TRAF1: variants seen among roughly 807,000 people sequenced by gnomAD.
TRAF1 encodes TNF receptor associated factor 1.
A neutral mutation model predicts 40.9 loss-of-function variants in TRAF1; 23 were observed. That is an observed-to-expected ratio of 0.56 (90% CI 0.40 to 0.80). TRAF1 has a LOEUF of 0.80. TRAF1 is among the 30% of genes least tolerant of loss of function. The pLI is 0.00. For synonymous variants in TRAF1, 206 were observed against 218.8 expected (o/e 0.94, Z 0.52); for missense variants, 477 against 528.7 (o/e 0.90, Z 0.96).
chr9:120,911,310 G>A (rs770715603), intron 6 of TRAF1, 26 bp downstream of exon 6: 13 of 1,606,354 alleles, frequency 8.1e-6, no homozygotes, highest in Non-Finnish European at 8.5e-7. Context: ...CCCCAGGCAG[G>A]TCTCTGTGCC....
chr9:120,920,491 C>A (rs1437364709), intron 3 of TRAF1, among the ~76,000 whole-genome samples: 1 of 145,602 alleles, frequency 6.9e-6, no homozygotes, highest in African/African-American at 2.6e-5. Context: ...CAGTTGTCAG[C>A]TTGCTTTTGA....
At chr9:120,915,939 G>C (rs2046566461) in intron 3 of TRAF1, among the ~76,000 whole-genome samples, 1 of 152,104 alleles carries the variant, frequency 6.6e-6, no homozygotes, top group Admixed American at 6.5e-5. Context: ...TACTTATAAA[G>C]TTACCATACA....
intron 2 of TRAF1, among the ~76,000 whole-genome samples, chr9:120,925,080 C>G (rs1450285874): frequency 6.6e-6 from 1 of 152,246 alleles, no homozygotes; most frequent in Non-Finnish European, 1.5e-5. Context: ...ATTCTCACAG[C>G]CTCCTCCTTT....
upstream of TRAF1, chr9:120,928,374 T>G (rs764246210): frequency 3.3e-5 from 5 of 152,300 alleles, no homozygotes; most frequent in Non-Finnish European, 7.3e-5. Flanking sequence ...TCTCTCCAAG[T>G]GTATACGCAT....
intron 2 of TRAF1, among the ~76,000 whole-genome samples, chr9:120,924,002 C>T (rs1364552884): frequency 1.3e-5 from 2 of 152,190 alleles, no homozygotes; most frequent in African/African-American, 4.8e-5. Flanking sequence ...CCAAACCTGC[C>T]GTGACTGCAC....
At position 120,904,936 on chromosome 9, in the gene TRAF1, G is replaced by A. The variant is rs929429360; in HGVS notation, c.*84C>T. On this transcript the variant is annotated 3_prime_UTR_variant, in exon 8 of 8. Coordinates refer to ENST00000373887, the MANE Select transcript of TRAF1 (RefSeq NM_005658.5). ...GCCTTCACCCATCTTTGTGCCCTGA[G>A]GTCTTGGGTGCCAAGGGCAGGGCAT... 1 of 1,357,572 alleles carries A rather than the reference G, an allele frequency of 7.4e-7. No individual in the cohort carries two copies. Among genetic ancestry groups the A allele is most frequent in the Admixed American group, 2.0e-5 (1 of 49,424 alleles). The allele number at this position is 1,357,572 out of a possible 1,614,324, so 84.1% of individuals were successfully genotyped here. A position where few individuals can be genotyped will look rare whatever the true frequency, so the allele number is the denominator to read the frequency against.
rs13053 is a variant in TRAF1, at chr9:120,902,512, G to C, written c.*2508C>G. ...GTGCTCTGTGGGCAGGGCGGGGGGT[G>C]GGGGGGGGGGCGGTGGGCACTGCTG... On this transcript the variant is annotated 3_prime_UTR_variant, in exon 8 of 8. Coordinates refer to ENST00000373887, the MANE Select transcript of TRAF1 (RefSeq NM_005658.5). 3 of 97,590 alleles carry C rather than the reference G, an allele frequency of 3.1e-5. 1 individual carries two copies. The highest frequency in any genetic ancestry group is 2.2e-4 in the African/African-American group (3 of 13,664). 6.0% of individuals were successfully genotyped at this position (97,590 alleles called of 1,614,324 possible).
chr9:120,905,760 CGG>C (rs2046476103), intron 7 of TRAF1, among the ~76,000 whole-genome samples: 1 of 152,200 alleles, frequency 6.6e-6, no homozygotes, highest in African/African-American at 2.4e-5. Flanking sequence ...ACAGCACAGA[CGG>C]AGGTTCCCCT....
chr9:120,907,291 T>C (rs1298026286), intron 7 of TRAF1, among the ~76,000 whole-genome samples: 4 of 152,262 alleles, frequency 2.6e-5, no homozygotes, highest in Non-Finnish European at 4.4e-5. Context: ...CATGGCTTGA[T>C]AGCTCATTTC....
chr9:120,908,369 T>G (rs951892321), intron 7 of TRAF1, among the ~76,000 whole-genome samples: 1 of 152,042 alleles, frequency 6.6e-6, no homozygotes, highest in African/African-American at 2.4e-5. Flanking sequence ...TAATCTAATA[T>G]ATTCAATACA....
chr9:120,921,663 T>A (rs954510104), intron 3 of TRAF1, among the ~76,000 whole-genome samples: 24 of 152,016 alleles, frequency 1.6e-4, no homozygotes, highest in Non-Finnish European at 3.2e-4. Context: ...TATTAACTCT[T>A]ACCACGTTGC....
At chr9:120,914,603 G>A (rs1042047836) in intron 3 of TRAF1, 18 of 1,053,576 alleles carry the variant, frequency 1.7e-5, no homozygotes, top group Non-Finnish European at 2.1e-5. Flanking sequence ...GACTGGTCGG[G>A]GGGGCTCTGT....
intron 3 of TRAF1, among the ~76,000 whole-genome samples, chr9:120,922,366 T>C (rs1299563731): frequency 1.3e-5 from 2 of 152,352 alleles, no homozygotes; most frequent in Non-Finnish European, 2.9e-5. Context: ...TATAAAGACA[T>C]GCATAGGACA....
rs2046466619 is a variant in TRAF1, at chr9:120,904,808, C to T, written c.*212G>A. Reference sequence around the variant, plus strand: ...TGCAGAGGGGAGCAGCTCTGCCTGTCTCCTTCTGGACCCTTTGCCTTTGTG... The same window carrying T: ...TGCAGAGGGGAGCAGCTCTGCCTGTTTCCTTCTGGACCCTTTGCCTTTGTG... On this transcript the variant is annotated 3_prime_UTR_variant, in exon 8 of 8. Transcript: ENST00000373887. 5.0e-6 allele frequency: 3 copies of T among 600,906 alleles called. No homozygotes were observed. The highest frequency in any genetic ancestry group is 8.8e-6 in the Non-Finnish European group (3 of 340,950). The allele number at this position is 600,906 out of a possible 1,614,324, so 37.2% of individuals were successfully genotyped here. A position where few individuals can be genotyped will look rare whatever the true frequency, so the allele number is the denominator to read the frequency against.
At position 120,923,740 on chromosome 9, in the gene TRAF1, T is replaced by C. The variant is rs1174600987; in HGVS notation, c.193A>G (p.Ile65Val). ...PKCRGEDLQS[I>V]SPGSRLRTQE... is the part of the protein sequence containing the mutation. Reference sequence around the variant, plus strand: ...GTTCGAAGACGGCTTCCTGGGCTTATAGACTGGAGGTCTTCCCCTCTGCAT... The same window carrying C: ...GTTCGAAGACGGCTTCCTGGGCTTACAGACTGGAGGTCTTCCCCTCTGCAT... The change falls in exon 3 of 8, where the codon ATA (isoleucine) becomes GTA (valine). Residue 65 changes from isoleucine to valine, a missense_variant. Transcript: ENST00000373887. 1 of 1,614,056 alleles carries C rather than the reference T, an allele frequency of 6.2e-7. No individual in the cohort carries two copies. The highest frequency in any genetic ancestry group is 1.3e-5 in the African/African-American group (1 of 74,916).
Position 120,913,522 on chromosome 9 carries a change from C to A in TRAF1, c.511G>T (p.Glu171Ter). 6.2e-7 allele frequency: 1 copy of A among 1,613,892 alleles called. No homozygotes were observed. The highest frequency in any genetic ancestry group is 8.5e-7 in the Non-Finnish European group (1 of 1,179,998). ...EVDCYRAPCS[E>*]SQEELALQHF... ...TGCAGGGCCAGCTCCTCCTGGCTCT[C>A]GGAGCAGGGTGCCCGGTAGCAATCG... The change falls in exon 5 of 8, where the codon GAG (glutamate) becomes TAG (stop). Residue 171 changes from glutamate to a stop codon, truncating the protein, a stop_gained. Transcript: ENST00000373887. LOFTEE classifies it high-confidence loss of function.
intron 3 of TRAF1, among the ~76,000 whole-genome samples, chr9:120,919,240 T>A (rs2046588792): frequency 6.6e-6 from 1 of 152,102 alleles, no homozygotes; most frequent in African/African-American, 2.4e-5. Flanking sequence ...AAGTGTGCAG[T>A]GGAATTTCCT....
In TRAF1 at chr9:120,911,535, C is replaced by T. The variant is rs557822524; in HGVS notation, c.706-22G>A. On this transcript the variant is annotated intron_variant, in intron 5 of 7. Transcript: ENST00000373887. ...CCACCTGTAGGGAAGACTGTTCAGC[C>T]AGGAACACCAGAACCCGGCTTGGGG... 3.8e-6 allele frequency: 6 copies of T among 1,597,552 alleles called. No individual in the cohort carries two copies. The South Asian group carries it at 6.6e-5, about 18-fold the overall frequency.
At chr9:120,920,137 A>G (rs2046595333) in intron 3 of TRAF1, among the ~76,000 whole-genome samples, 1 of 152,198 alleles carries the variant, frequency 6.6e-6, no homozygotes. Context: ...AGATAAACAG[A>G]AGCGCATTTA....
Sources: allele counts gnomAD v4.1 joint callset (sites outside exome capture counted in the v4.1 genomes callset), GRCh38; gene constraint gnomAD v4.1.1; transcripts MANE v1.5; gene names NCBI Gene and HGNC (gene_info 2026-07-23, HGNC 2026-07-21).